The following VAMP2 variants were observed in gnomAD, a reference collection of about 807,000 sequenced individuals.
The protein encoded by VAMP2 is vesicle-associated membrane protein 2.
For missense variants in VAMP2, 95 were observed against 151.3 expected (o/e 0.63, Z 1.95); for synonymous variants, 67 against 57.3 (o/e 1.17, Z -0.76).
At chr17:8,160,938 A>T in intron 4 of VAMP2, 67 bp from the exon 5 acceptor site, 1 of 1,437,246 alleles carries the variant, frequency 7.0e-7, no homozygotes, top group Admixed American at 1.7e-5. Context: ...ACAAGAAAGC[A>T]GTGTGTCAGG....
chr17:8,161,373 T>G (rs1983306810), intron 4 of VAMP2, 100 bp downstream of exon 4: 1 of 1,496,216 alleles, frequency 6.7e-7, no homozygotes, highest in Non-Finnish European at 9.0e-7. Context: ...TATGTGTTTT[T>G]GGCTGAAGAG....
intron 1 of VAMP2, 97 bp from the exon 2 acceptor site, chr17:8,162,466 T>G: frequency 1.3e-6 from 2 of 1,505,020 alleles, no homozygotes; most frequent in Non-Finnish European, 1.8e-6. Flanking sequence ...GTCCCTCCAG[T>G]CCTCCTTTTC....
rs1386301984 is a variant in VAMP2, at chr17:8,160,229, G to C, written c.*626C>G. The C allele has an allele frequency of 6.6e-6, 1 of 152,384 alleles. No homozygotes were observed. Among genetic ancestry groups the C allele is most frequent in the East Asian group, 1.9e-4 (1 of 5,190 alleles). 9.4% of individuals were successfully genotyped at this position (152,384 alleles called of 1,614,324 possible). A position where few individuals can be genotyped will look rare whatever the true frequency, so the allele number is the denominator to read the frequency against. ...GAAGAGTGATGGAACAAAAAGAAAT[G>C]GAAAGGGATAGCAGTATGTAATGAT... On this transcript the variant is annotated 3_prime_UTR_variant, in exon 5 of 5. Transcript: ENST00000316509.
At chr17:8,162,504 T>C (rs1306830776) in intron 1 of VAMP2, 135 bp from the exon 2 acceptor site, 57 of 1,544,624 alleles carry the variant, frequency 3.7e-5, no homozygotes, top group Non-Finnish European at 4.5e-5. Context: ...ATGTAAGCCC[T>C]GGTCTCGGTC....
rs1249739214 is a variant in VAMP2 at position 8,159,353 on chromosome 17, A to C, written c.*1502T>G. ...GCTCCCCCTCCACACAGAAAACCAG[A>C]AGTGTGGGGGGAAGAAAGTTTGGGG... On this transcript the variant is annotated 3_prime_UTR_variant, in exon 5 of 5. Coordinates refer to ENST00000316509, the MANE Select transcript of VAMP2 (RefSeq NM_014232.3). 2.0e-5 allele frequency: 3 copies of C among 152,452 alleles called. No homozygotes were observed. The highest frequency in any genetic ancestry group is 3.9e-4 in the East Asian group (2 of 5,188). 9.4% of individuals were successfully genotyped at this position (152,452 alleles called of 1,614,324 possible).
rs371988242 is a variant in VAMP2 at position 8,161,674 on chromosome 17, C to A, written c.216G>T (p.Ala72=). ...ELDDRADALQ[A]GASQFETSAA... ...CGCTTGTTTCAAACTGGGAGGCCCC[C>A]GCCTGGAGTGCATCTGCACGGTCGT... Residue 72 remains alanine (A), a synonymous_variant, in exon 3 of 5, where the codon GCG becomes GCT. Coordinates refer to ENST00000316509, the MANE Select transcript of VAMP2 (RefSeq NM_014232.3). 6 of 1,614,084 alleles carry A rather than the reference C, an allele frequency of 3.7e-6. No individual in the cohort carries two copies. In the African/African-American group the frequency reaches 8.0e-5, roughly 22 times the overall value.
chr17:8,161,880 G>T, intron 2 of VAMP2, 114 bp from the exon 3 acceptor site: 1 of 1,472,976 alleles, frequency 6.8e-7, no homozygotes, highest in Non-Finnish European at 9.1e-7. Context: ...GATACTGCCA[G>T]GTTAACATGC....
At chr17:8,162,758 T>C in intron 1 of VAMP2, 120 bp downstream of exon 1, 1 of 1,263,066 alleles carries the variant, frequency 7.9e-7, no homozygotes, top group African/African-American at 1.6e-5. Context: ...GTCACCGGCT[T>C]GGGCCTGGCC....
At position 8,162,716 on chromosome 17, in the gene VAMP2, G is replaced by A. The variant is rs1484203353; in HGVS notation, c.2+162C>T. On this transcript the variant is annotated intron_variant, in intron 1 of 4. Coordinates refer to ENST00000316509, the MANE Select transcript of VAMP2 (RefSeq NM_014232.3). ...GGCCATCGCCCGAGCCGGCCAGCCC[G>A]GGACGCGGGGCTCCTCGGCCGCCCG... 1.1e-5 allele frequency: 14 copies of A among 1,301,870 alleles called. No homozygotes were observed. In the East Asian group the frequency reaches 4.1e-4, roughly 38 times the overall value. 80.6% of individuals were successfully genotyped at this position (1,301,870 alleles called of 1,614,324 possible). A position where few individuals can be genotyped will look rare whatever the true frequency, so the allele number is the denominator to read the frequency against.
intron 1 of VAMP2, 98 bp from the exon 2 acceptor site, chr17:8,162,467 C>T (rs1391814665): frequency 1.3e-6 from 2 of 1,505,652 alleles, no homozygotes; most frequent in Non-Finnish European, 1.8e-6. Flanking sequence ...TCCCTCCAGT[C>T]CTCCTTTTCG....
chr17:8,161,789 AG>A (rs770214380), intron 2 of VAMP2, 23 bp from the exon 3 acceptor site: 1 of 1,605,710 alleles, frequency 6.2e-7, no homozygotes, highest in Non-Finnish European at 8.5e-7. Flanking sequence ...CCCACGAGGC[AG>A]GGGGGTGTGC....
intron 4 of VAMP2, 35 bp from the exon 5 acceptor site, chr17:8,160,906 A>G (rs1410074770): frequency 1.3e-6 from 2 of 1,567,270 alleles, no homozygotes; most frequent in Non-Finnish European, 1.8e-6. Context: ...AGGAAGAGGG[A>G]GAGGGGAGAG....
intron 1 of VAMP2, 45 bp from the exon 2 acceptor site, chr17:8,162,414 G>A (rs370395214): frequency 2.5e-6 from 4 of 1,603,552 alleles, no homozygotes; most frequent in Middle Eastern, 1.8e-4. Flanking sequence ...GCAGCCTCCC[G>A]GCCCCGCAGC....
In VAMP2 at chr17:8,162,933, C is replaced by A. The variant is rs1476170159; in HGVS notation, c.-54G>T. On this transcript the variant is annotated 5_prime_UTR_variant, in exon 1 of 5. Coordinates refer to ENST00000316509, the MANE Select transcript of VAMP2 (RefSeq NM_014232.3). ...AGCGGCAGTGATGGCGGCGGCGGCTCGCGCTGGCTCCGACTGGCGCTGGCT... is the reference window on the plus strand; with the variant it reads ...AGCGGCAGTGATGGCGGCGGCGGCTAGCGCTGGCTCCGACTGGCGCTGGCT... The A allele has an allele frequency of 9.1e-6, 11 of 1,203,372 alleles. No homozygotes were observed. The African/African-American group carries it at 1.6e-4, about 17-fold the overall frequency. 74.5% of individuals were successfully genotyped at this position (1,203,372 alleles called of 1,614,324 possible).
chr17:8,160,942 T>A, intron 4 of VAMP2, 71 bp from the exon 5 acceptor site: 1 of 1,381,252 alleles, frequency 7.2e-7, no homozygotes. Context: ...GAAAGCAGTG[T>A]GTCAGGCCTG....
intron 1 of VAMP2, 149 bp from the exon 2 acceptor site, chr17:8,162,518 C>A: frequency 1.3e-6 from 2 of 1,524,128 alleles, no homozygotes; most frequent in Admixed American, 2.2e-5. Flanking sequence ...CTCGGTCCAG[C>A]CCTGCCGCCG....
chr17:8,161,205 T>G (rs1267564589), intron 4 of VAMP2: 1 of 579,580 alleles, frequency 1.7e-6, no homozygotes, highest in East Asian at 2.9e-5. Context: ...AATTCCAGGG[T>G]TCTCAGACTG....
At chr17:8,162,397 A>T in intron 1 of VAMP2, 28 bp from the exon 2 acceptor site, 1 of 1,610,380 alleles carries the variant, frequency 6.2e-7, no homozygotes, top group African/African-American at 1.3e-5. Context: ...ATTAAGACCC[A>T]GGGCCTGCAG....
Position 8,160,221 on chromosome 17 carries a change from A to C in VAMP2, c.*634T>G, listed in dbSNP as rs1983250113. 6.6e-6 allele frequency: 1 copy of C among 152,404 alleles called. No homozygotes were observed. Among genetic ancestry groups the C allele is most frequent in the Non-Finnish European group, 1.5e-5 (1 of 68,024 alleles). The allele number at this position is 152,404 out of a possible 1,614,324, so 9.4% of individuals were successfully genotyped here. A position where few individuals can be genotyped will look rare whatever the true frequency, so the allele number is the denominator to read the frequency against. ...GGTTGAGAGAAGAGTGATGGAACAA[A>C]AAGAAATGGAAAGGGATAGCAGTAT... On this transcript the variant is annotated 3_prime_UTR_variant, in exon 5 of 5. Coordinates refer to ENST00000316509, the MANE Select transcript of VAMP2 (RefSeq NM_014232.3).
Sources: allele counts gnomAD v4.1 joint callset, GRCh38; gene constraint gnomAD v4.1.1; transcripts MANE v1.5; gene names NCBI Gene and HGNC (gene_info 2026-07-23, HGNC 2026-07-21).